The following PTPRD variants were observed in gnomAD, a reference collection of about 807,000 sequenced individuals.
PTPRD encodes receptor-type tyrosine-protein phosphatase delta.
In PTPRD, 34 loss-of-function variants were observed where a neutral mutation model predicts 214.5. The observed-to-expected ratio is 0.16, with a 90% CI of 0.12 to 0.21. The LOEUF (loss-of-function observed/expected upper bound fraction) is 0.21. Among genes scored for constraint, PTPRD ranks in the 10% least tolerant of loss-of-function variants. The pLI is 1.00. For missense variants in PTPRD, 2,545 were observed against 2,398.7 expected, an observed-to-expected ratio of 1.06 and a Z score of -1.27; for synonymous variants, 1,128 against 845.7, an observed-to-expected ratio of 1.33 and a Z score of -5.79.
intron 10 of PTPRD, among the ~76,000 whole-genome samples, chr9:9,024,761 CAT>C (rs1004341501): frequency 2.0e-5 from 3 of 151,780 alleles, no homozygotes; most frequent in Non-Finnish European, 2.9e-5. Context: ...TATTAGAGCA[CAT>C]GTCTTCTATA....
chr9:9,867,774 A>T (rs1472748025), intron 5 of PTPRD, among the ~76,000 whole-genome samples: 1 of 152,174 alleles, frequency 6.6e-6, no homozygotes, highest in East Asian at 1.9e-4. Context: ...GTTTAAGCTC[A>T]AACATTAAAA....
intron 14 of PTPRD, among the ~76,000 whole-genome samples, chr9:8,579,318 G>A (rs1271909732): frequency 1.3e-5 from 2 of 152,088 alleles, no homozygotes; most frequent in Non-Finnish European, 2.9e-5. Flanking sequence ...ATAATCCTCA[G>A]TAAGAAATAA....
At chr9:9,450,196 T>C (rs148592277) in intron 8 of PTPRD, among the ~76,000 whole-genome samples, 2,419 of 151,996 alleles carry the variant, frequency 0.016, 33 homozygotes, top group Non-Finnish European at 0.025. Flanking sequence ...GTTCCATATT[T>C]TTGCAATTGC....
intron 37 of PTPRD, among the ~76,000 whole-genome samples, chr9:8,380,161 A>G (rs1359208832): frequency 6.6e-6 from 1 of 152,144 alleles, no homozygotes; most frequent in Non-Finnish European, 1.5e-5. Flanking sequence ...TAATTTCAGC[A>G]GATACTGATT....
chr9:8,436,606 A>C lies in PTPRD; in HGVS notation c.4072T>G (p.Ser1358Ala), dbSNP rs564541310. The change falls in exon 35 of 46, where the codon TCC becomes GCC. Residue 1358 changes from serine to alanine, a missense_variant. Transcript: ENST00000381196. ...RLKANDNLKFSQEYESIDPGQ... is the reference protein window; with the variant it reads ...RLKANDNLKFAQEYESIDPGQ... ...CAGTGAATTACCTCATATTCCTGGG[A>C]AAACTTCAAGTTGTCATTTGCTTTC... is the stretch of plus-strand genomic sequence containing the variant. 8.1e-6 allele frequency: 13 copies of C among 1,612,488 alleles called. No homozygotes were observed. The African/African-American group carries it at 1.6e-4, about 20-fold the overall frequency.
chr9:9,768,795 G>T (rs1018713139), intron 5 of PTPRD, among the ~76,000 whole-genome samples: 1 of 152,192 alleles, frequency 6.6e-6, no homozygotes, highest in Non-Finnish European at 1.5e-5. Context: ...CCTCTGAATA[G>T]TCAGCATTAC....
At chr9:9,098,782 C>T (rs1591590308) in intron 10 of PTPRD, among the ~76,000 whole-genome samples, 1 of 152,126 alleles carries the variant, frequency 6.6e-6, no homozygotes, top group African/African-American at 2.4e-5. Flanking sequence ...TAAAATTCAT[C>T]ATTTGTATGT....
At chr9:10,197,968 A>G (rs2099404503) in intron 3 of PTPRD, among the ~76,000 whole-genome samples, 1 of 152,146 alleles carries the variant, frequency 6.6e-6, no homozygotes, top group African/African-American at 2.4e-5. Flanking sequence ...CATGCTTCCT[A>G]CTTGAAAATT....
At chr9:9,882,826 C>T (rs1488463605) in intron 5 of PTPRD, among the ~76,000 whole-genome samples, 1 of 151,934 alleles carries the variant, frequency 6.6e-6, no homozygotes, top group Non-Finnish European at 1.5e-5. Context: ...GAAGTGGGGG[C>T]CTAATGGGAA....
intron 5 of PTPRD, among the ~76,000 whole-genome samples, chr9:9,782,840 T>G (rs559887090): frequency 1.8e-4 from 28 of 152,338 alleles, no homozygotes; most frequent in Non-Finnish European, 3.4e-4. Flanking sequence ...CGAAAGTTCA[T>G]CTTACTGTTT....
intron 2 of PTPRD, among the ~76,000 whole-genome samples, chr9:10,490,920 A>C (rs1344834263): frequency 6.6e-6 from 1 of 152,180 alleles, no homozygotes; most frequent in Non-Finnish European, 1.5e-5. Context: ...AATAGGTTAT[A>C]AGTGGGGTTA....
Position 9,203,701 on chromosome 9 carries a change from G to A in PTPRD, c.-202-20338C>T, listed in dbSNP as rs143335398. ...CCAAAAAGTTCAAATTGGATTAGAG[G>A]CAATTTTGATTTTCTTCTTTATGTG... On this transcript the variant is annotated intron_variant, in intron 9 of 45. Transcript: ENST00000381196. Among the ~76,000 whole-genome samples the A allele has an allele frequency of 2.6e-5, 4 of 152,218 alleles. No individual in the cohort carries two copies. In the East Asian group the frequency reaches 7.7e-4, roughly 29 times the overall value.
At chr9:10,064,684 C>G (rs1052568014) in intron 3 of PTPRD, among the ~76,000 whole-genome samples, 2 of 151,852 alleles carry the variant, frequency 1.3e-5, no homozygotes, top group African/African-American at 4.8e-5. Flanking sequence ...CCCACAAAAA[C>G]CATATGACCA....
At chr9:8,391,927 T>G (rs990682742) in intron 36 of PTPRD, among the ~76,000 whole-genome samples, 5 of 104,610 alleles carry the variant, frequency 4.8e-5, no homozygotes, top group African/African-American at 1.4e-4. Context: ...GAATTGGGGT[T>G]TTTTGCATAC....
chr9:9,001,971 C>T (rs1045726861), intron 11 of PTPRD, among the ~76,000 whole-genome samples: 1 of 142,494 alleles, frequency 7.0e-6, no homozygotes, highest in African/African-American at 2.6e-5. Flanking sequence ...ACCACTAGCT[C>T]CCTGTGTGTG....
At chr9:9,091,021 C>A (rs889480739) in intron 10 of PTPRD, 4 of 1,565,874 alleles carry the variant, frequency 2.6e-6, no homozygotes, top group Non-Finnish European at 3.5e-6. Context: ...ATTCGTCATT[C>A]GAAACATAGT....
intron 12 of PTPRD, among the ~76,000 whole-genome samples, chr9:8,726,569 TAAAAAA>T (rs764810328): frequency 1.5e-3 from 3 of 1,982 alleles, no homozygotes; most frequent in African/African-American, 0.01. Flanking sequence ...CGGTCTCTAC[TAAAAAA>T]AAAAAAAAAA....
chr9:8,535,436 T>C (rs2076695833), intron 14 of PTPRD, among the ~76,000 whole-genome samples: 1 of 151,938 alleles, frequency 6.6e-6, no homozygotes, highest in African/African-American at 2.4e-5. Context: ...CTTTGATTAA[T>C]CAACAGTACA....
chr9:9,400,607 T>C (rs1388221666), intron 8 of PTPRD, among the ~76,000 whole-genome samples: 2 of 152,166 alleles, frequency 1.3e-5, no homozygotes, highest in Non-Finnish European at 2.9e-5. Flanking sequence ...TTTGATTAGC[T>C]CCTGAGAGTG....
Sources: gnomAD v4.1 joint callset for allele counts (sites outside exome capture counted in the v4.1 genomes callset) on GRCh38, gnomAD v4.1.1 for gene constraint, MANE v1.5 for transcripts, NCBI Gene and HGNC (gene_info 2026-07-23, HGNC 2026-07-21) for gene names.